Variants in AGBL3 observed in about 807,000 individuals in gnomAD.
AGBL3 encodes cytosolic carboxypeptidase 3.
AGBL3 carries 68 observed loss-of-function variants against 94.5 expected under a neutral mutation model. That is an observed-to-expected ratio of 0.72 (90% CI 0.59 to 0.88). AGBL3 has a LOEUF of 0.88. AGBL3 is among the 40% of genes least tolerant of loss of function. The pLI is 0.00. For synonymous variants in AGBL3, 354 were observed against 370.7 expected (o/e 0.95, Z 0.52); for missense variants, 934 against 1,103.8 (o/e 0.85, Z 2.18).
chr7:135,068,555 G>C (rs1035214599), intron 12 of AGBL3, among the ~76,000 whole-genome samples: 4 of 152,210 alleles, frequency 2.6e-5, no homozygotes, highest in Admixed American at 6.5e-5. Flanking sequence ...AACTCTACAA[G>C]CCAGAAGAGA....
chr7:134,991,208 G>T (rs28445526), intron 3 of AGBL3, among the ~76,000 whole-genome samples: 46,207 of 113,456 alleles, frequency 0.41, 9,257 homozygotes, highest in Middle Eastern at 0.56. Context: ...GGGTGGGGGG[G>T]GGGTTGGTTA....
intron 16 of AGBL3, among the ~76,000 whole-genome samples, chr7:135,120,024 C>G (rs1038122146): frequency 2.4e-4 from 37 of 152,072 alleles, no homozygotes; most frequent in African/African-American, 8.9e-4. Context: ...AACTTAGAAT[C>G]CTATACCCAG....
At chr7:135,001,174 CTTTCACCTTAA>C (rs1811670151) in intron 4 of AGBL3, among the ~76,000 whole-genome samples, 1 of 152,204 alleles carries the variant, frequency 6.6e-6, no homozygotes, top group African/African-American at 2.4e-5. Context: ...TTAATCTCAA[CTTTCACCTTAA>C]TTTCATCAAC....
intron 3 of AGBL3, among the ~76,000 whole-genome samples, chr7:134,991,430 T>TTG (rs1450688919): frequency 1.4e-4 from 21 of 149,240 alleles, no homozygotes; most frequent in African/African-American, 4.9e-4. Flanking sequence ...GAAGGAATTT[T>TTG]TTTTGTTTGT....
At chr7:135,054,108 G>A (rs1172543642) in intron 11 of AGBL3, among the ~76,000 whole-genome samples, 2 of 152,216 alleles carry the variant, frequency 1.3e-5, no homozygotes, top group Non-Finnish European at 2.9e-5. Flanking sequence ...ATATGTGGCA[G>A]CCTTCTATAT....
At chr7:135,085,046 A>G (rs574465840) in intron 15 of AGBL3, among the ~76,000 whole-genome samples, 1 of 152,216 alleles carries the variant, frequency 6.6e-6, no homozygotes, top group East Asian at 1.9e-4. Context: ...TCTAACAGAT[A>G]TGAGACCATA....
rs1585303038 is a variant in AGBL3, at chr7:135,131,621, A to G, written c.2343-3220A>G. Among the ~76,000 whole-genome samples the G allele has an allele frequency of 3.9e-5, 6 of 152,130 alleles. No individual in the cohort carries two copies. The South Asian group carries it at 1.2e-3, about 32-fold the overall frequency. The stretch of plus-strand genomic sequence containing the variant: ...AAATGAGAAAACATCTGAAATCAAT[A>G]ATCTAAGCTCCCACCTCAGGGACCT... On this transcript the variant is annotated intron_variant, in intron 16 of 16. Transcript: ENST00000436302.
At chr7:135,096,523 AG>A (rs1822746865) in intron 15 of AGBL3, among the ~76,000 whole-genome samples, 1 of 151,450 alleles carries the variant, frequency 6.6e-6, no homozygotes. Flanking sequence ...AAAGAAAAAG[AG>A]AAAAAAACAA....
chr7:135,080,060 G>C, intron 13 of AGBL3, 143 bp from the exon 14 acceptor site: 1 of 584,632 alleles, frequency 1.7e-6, no homozygotes, highest in Non-Finnish European at 2.9e-6. Context: ...TGATTTATAA[G>C]ATAATTTTGG....
chr7:134,997,231 T>C (rs1811120319), intron 4 of AGBL3, among the ~76,000 whole-genome samples: 2 of 152,154 alleles, frequency 1.3e-5, no homozygotes, highest in Admixed American at 6.5e-5. Flanking sequence ...GCTGCTGATC[T>C]GACAGGAGAC....
intron 12 of AGBL3, among the ~76,000 whole-genome samples, chr7:135,067,284 T>G (rs1478762417): frequency 1.3e-5 from 2 of 152,216 alleles, no homozygotes; most frequent in Non-Finnish European, 2.9e-5. Context: ...GAGGCCTGCC[T>G]ACCTCTGTAG....
chr7:135,127,499 G>A (rs1210059422), intron 16 of AGBL3, among the ~76,000 whole-genome samples: 1 of 151,544 alleles, frequency 6.6e-6, no homozygotes, highest in Non-Finnish European at 1.5e-5. Flanking sequence ...GTTGCAGTGA[G>A]CCAAGATTGC....
At chr7:134,990,388 A>G (rs758957136) in intron 3 of AGBL3, among the ~76,000 whole-genome samples, 53 of 152,206 alleles carry the variant, frequency 3.5e-4, no homozygotes, top group Admixed American at 1.8e-3. Flanking sequence ...CATTTAGCAT[A>G]ATACTCTTGA....
At chr7:135,044,339 G>A (rs1241314342) in intron 9 of AGBL3, among the ~76,000 whole-genome samples, 188 bp downstream of exon 9, 1 of 151,982 alleles carries the variant, frequency 6.6e-6, no homozygotes, top group East Asian at 1.9e-4. Flanking sequence ...ATTTTCCTTT[G>A]TTTAGAAAGG....
intron 15 of AGBL3, among the ~76,000 whole-genome samples, chr7:135,111,566 A>T (rs1825638347): frequency 6.6e-6 from 1 of 151,822 alleles, no homozygotes; most frequent in African/African-American, 2.4e-5. Flanking sequence ...CTAATGTTGT[A>T]CACGTCTGTT....
At chr7:135,097,523 T>G (rs1823082055) in intron 15 of AGBL3, among the ~76,000 whole-genome samples, 1 of 152,142 alleles carries the variant, frequency 6.6e-6, no homozygotes, top group African/African-American at 2.4e-5. Flanking sequence ...AAATGTAAAT[T>G]TTGGCATGTT....
At chr7:135,041,629 A>T (rs1816871465) in intron 8 of AGBL3, among the ~76,000 whole-genome samples, 1 of 152,236 alleles carries the variant, frequency 6.6e-6, no homozygotes, top group African/African-American at 2.4e-5. Flanking sequence ...TTTTTATGAC[A>T]TGGAATTAGA....
At chr7:135,069,446 C>T (rs1380285484) in intron 12 of AGBL3, among the ~76,000 whole-genome samples, 5 of 152,154 alleles carry the variant, frequency 3.3e-5, no homozygotes, top group Admixed American at 1.3e-4. Context: ...CACACCACAC[C>T]TATTCCAAAA....
rs140079186 is a variant in AGBL3, at chr7:135,042,893, C to G, written c.1501-1132C>G. On this transcript the variant is annotated intron_variant, in intron 8 of 16. Coordinates refer to ENST00000436302, the MANE Select transcript of AGBL3 (RefSeq NM_178563.4). Reference sequence around the variant, plus strand: ...CACCACTGCACTCCAGCCTGGGTGACAGAGAGAGACCCTGTCTCAAAAACA... The same window carrying G: ...CACCACTGCACTCCAGCCTGGGTGAGAGAGAGAGACCCTGTCTCAAAAACA... 2.3e-3 allele frequency among the ~76,000 whole-genome samples: 346 copies of G among 152,168 alleles called. 1 individual carries two copies. Among genetic ancestry groups the G allele is most frequent in the African/African-American group, 7.6e-3 (317 of 41,500 alleles).
Sources: allele counts gnomAD v4.1 joint callset (sites outside exome capture counted in the v4.1 genomes callset), GRCh38; gene constraint gnomAD v4.1.1; transcripts MANE v1.5; gene names NCBI Gene and HGNC (gene_info 2026-07-23, HGNC 2026-07-21).